Variants in MYH13 observed in about 807,000 individuals in gnomAD.
MYH13 encodes the protein myosin heavy chain 13, also known as myosin-13.
A neutral mutation model predicts 232.1 loss-of-function variants in MYH13; 177 were observed. The ratio of observed to expected loss-of-function variants is 0.76; its 90% CI spans 0.67 to 0.86. The LOEUF (loss-of-function observed/expected upper bound fraction) is 0.86, where lower values mean the gene tolerates loss of function less well. Ranked by LOEUF, MYH13 falls within the 40% of genes least tolerant of loss-of-function variation. The probability of loss-of-function intolerance (pLI) is 0.00; values close to 1 mark genes in which losing one functional copy is unlikely to be tolerated. For missense variants in MYH13, 2,246 were observed against 2,405.9 expected (o/e 0.93, Z 1.39); for synonymous variants, 884 against 923.5 (o/e 0.96, Z 0.78).
Position 10,343,847 on chromosome 17 carries a change from A to G in MYH13, c.1847T>C (p.Leu616Pro). 21 of 1,610,832 alleles carry G rather than the reference A, an allele frequency of 1.3e-5. No homozygotes were observed. The highest frequency in any genetic ancestry group is 1.7e-5 in the Non-Finnish European group (20 of 1,177,962). Residue 616 changes from leucine (L) to proline (P), a missense_variant, in exon 16 of 41, where the codon CTG becomes CCG. Transcript: ENST00000252172. ...GGAAAAAAGGAAGGAGAGAAGCTTC[A>G]GCGAAGACTTCTGGTACAGCCCCAC... Reference protein sequence around the residue: ...TVVGLYQKSSLKLLSFLFSNY... With the variant: ...TVVGLYQKSSPKLLSFLFSNY...
rs1213706575 is a variant in MYH13 at position 10,315,964 on chromosome 17, T to C, written c.3800A>G (p.Asp1267Gly). 45 of 1,613,884 alleles carry C rather than the reference T, an allele frequency of 2.8e-5. No individual in the cohort carries two copies. Among genetic ancestry groups the C allele is most frequent in the Non-Finnish European group, 3.7e-5 (44 of 1,179,884 alleles). Residue 1267 changes from aspartate to glycine, a missense_variant, in exon 28 of 41, where the codon GAC (aspartate) becomes GGC (glycine). Coordinates refer to ENST00000252172, the MANE Select transcript of MYH13 (RefSeq NM_003802.3). ...ATGGATCAACTGTGTCTGTTGCTCG[T>C]CCTTGGCTTTGATTTCACTAAATTG... ...EDQFSEIKAK[D>G]EQQTQLIHDL...
chr17:10,334,715 C>T (rs1480260367), intron 18 of MYH13, among the ~76,000 whole-genome samples: 1 of 152,012 alleles, frequency 6.6e-6, no homozygotes, highest in Non-Finnish European at 1.5e-5. Flanking sequence ...TCCATCTCTA[C>T]TAAAAATACA....
chr17:10,305,430 G>C (rs1311236276), intron 37 of MYH13, among the ~76,000 whole-genome samples: 2 of 152,158 alleles, frequency 1.3e-5, no homozygotes, highest in African/African-American at 4.8e-5. Context: ...AAAAGTCTAT[G>C]GCCTTGTTGT....
chr17:10,337,655 G>A (rs2071586001), intron 18 of MYH13, among the ~76,000 whole-genome samples: 1 of 152,264 alleles, frequency 6.6e-6, no homozygotes, highest in African/African-American at 2.4e-5. Flanking sequence ...ATTCGTGTTG[G>A]GCTATTCCCA....
chr17:10,364,402 A>T lies in MYH13; in HGVS notation c.129T>A (p.Asn43Lys), dbSNP rs757087427. The change falls in exon 3 of 41, where the codon AAT becomes AAA. Residue 43 changes from asparagine (N) to lysine (K), a missense_variant. Coordinates refer to ENST00000252172, the MANE Select transcript of MYH13 (RefSeq NM_003802.3). ...DSKKACFVAD[N>K]KEMYVKGMIQ... is the part of the protein sequence containing the mutation. ...TCATGCCTTTCACATACATTTCCTT[A>T]TTATCCGCTACAAAGCAGGCTTTCT... is the stretch of plus-strand genomic sequence containing the variant. 2.5e-5 allele frequency: 40 copies of T among 1,613,708 alleles called. No homozygotes were observed. The South Asian group carries it at 4.4e-4, about 18-fold the overall frequency.
chr17:10,311,328 T>C, intron 32 of MYH13, 101 bp from the exon 33 acceptor site: 1 of 1,439,652 alleles, frequency 6.9e-7, no homozygotes, highest in South Asian at 1.3e-5. Context: ...TTCATGACAT[T>C]TATACAGGAG....
rs571754464 is a variant in MYH13 at position 10,301,586 on chromosome 17, G to A, written c.5785C>T (p.Arg1929Ter). 4.2e-5 allele frequency: 68 copies of A among 1,614,126 alleles called. 1 individual carries two copies. In the East Asian group the frequency reaches 1.3e-3, roughly 31 times the overall value. Residue 1929 changes from arginine (R) to a stop codon, truncating the protein, a stop_gained, in exon 40 of 41, where the codon CGA becomes TGA. Transcript: ENST00000252172. LOFTEE classifies it high-confidence loss of function. ...GCTCTTACCTGGCTGCCCACGTCTCGGCTCTTGGCCCTCAGCTTGTTGACC... is the reference window on the plus strand; with the variant it reads ...GCTCTTACCTGGCTGCCCACGTCTCAGCTCTTGGCCCTCAGCTTGTTGACC... ...SQVNKLRAKSRDVGSQKMEE is the reference protein window; with the variant it reads ...SQVNKLRAKS
chr17:10,367,753 G>A (rs1261426019), intron 2 of MYH13, among the ~76,000 whole-genome samples: 1 of 152,186 alleles, frequency 6.6e-6, no homozygotes, highest in African/African-American at 2.4e-5. Flanking sequence ...TCTCCTTAAT[G>A]GAAGACTGTT....
chr17:10,311,926 T>C lies in MYH13; in HGVS notation c.4516A>G (p.Asn1506Asp). ...GACAGCTCACCTTGCAGATTTTTGTTCTCTCGCCTCAGTGTCTCTAACTGG... is the reference window on the plus strand; with the variant it reads ...GACAGCTCACCTTGCAGATTTTTGTCCTCTCGCCTCAGTGTCTCTAACTGG... ...VDQLETLRRE[N>D]KNLQEEISDL... The change falls in exon 32 of 41, where the codon AAC becomes GAC. Residue 1506 changes from asparagine to aspartate, a missense_variant. Physicochemically the swap from Asn to Asp is conservative, Grantham distance 23 (BLOSUM62 1). Coordinates refer to ENST00000252172, the MANE Select transcript of MYH13 (RefSeq NM_003802.3). 5.6e-6 allele frequency: 9 copies of C among 1,613,888 alleles called. No homozygotes were observed. Among genetic ancestry groups the C allele is most frequent in the Non-Finnish European group, 7.6e-6 (9 of 1,179,858 alleles).
Position 10,354,943 on chromosome 17 carries a change from A to C in MYH13, c.853T>G (p.Tyr285Asp). 1 of 1,608,164 alleles carries C rather than the reference A, an allele frequency of 6.2e-7. No individual in the cohort carries two copies. The highest frequency in any genetic ancestry group is 8.5e-7 in the Non-Finnish European group (1 of 1,174,588). ...GACATAATTTGGTAGAAAATATGAT[A>C]GCTTCTCTCACTGGATAATTGAAAC... Reference protein sequence around the residue: ...VTFQLSSERSYHIFYQIMSNK... With the variant: ...VTFQLSSERSDHIFYQIMSNK... Residue 285 changes from tyrosine (Y) to aspartate (D), a missense_variant, in exon 10 of 41, where the codon TAT (tyrosine) becomes GAT (aspartate). Transcript: ENST00000252172.
chr17:10,328,387 A>T (rs1907291157), intron 21 of MYH13, among the ~76,000 whole-genome samples: 1 of 152,098 alleles, frequency 6.6e-6, no homozygotes, highest in African/African-American at 2.4e-5. Flanking sequence ...CCACCACCCT[A>T]CTGAGAGTGC....
Position 10,364,441 on chromosome 17 carries a change from A to C in MYH13, c.90T>G (p.Arg30=). 1 of 1,613,282 alleles carries C rather than the reference A, an allele frequency of 6.2e-7. No individual in the cohort carries two copies. Among genetic ancestry groups the C allele is most frequent in the Non-Finnish European group, 8.5e-7 (1 of 1,179,630 alleles). Residue 30 remains arginine, a synonymous_variant, in exon 3 of 41, where the codon CGT becomes CGG. Coordinates refer to ENST00000252172, the MANE Select transcript of MYH13 (RefSeq NM_003802.3). ...AGCAGGCTTTCTTGGAATCGAATGG[A>C]CGATTTTGAGCCTCGATTCTCTCCT... ...PEKERIEAQN[R]PFDSKKACFV... is the part of the protein sequence containing the mutation.
intron 3 of MYH13, among the ~76,000 whole-genome samples, chr17:10,363,517 G>A (rs1196921008): frequency 6.6e-6 from 1 of 152,128 alleles, no homozygotes. Flanking sequence ...ACTAGAAAAA[G>A]AGAAACAGAC....
chr17:10,308,995 C>T (rs1396092964), intron 35 of MYH13, among the ~76,000 whole-genome samples: 3 of 152,242 alleles, frequency 2.0e-5, no homozygotes, highest in East Asian at 1.9e-4. Context: ...TTCCCCACAA[C>T]GTGCAAGATG....
Position 10,303,386 on chromosome 17 carries a change from AC to A in MYH13, c.5571+7del, listed in dbSNP as rs1388907112. 8 of 1,613,464 alleles carry A rather than the reference AC, an allele frequency of 5.0e-6. No individual in the cohort carries two copies. The highest frequency in any genetic ancestry group is 6.8e-6 in the Non-Finnish European group (8 of 1,179,708). On this transcript the variant is annotated splice_region_variant and intron_variant, in intron 38 of 40. Transcript: ENST00000252172. ...AGCATTCACTGAGGAGGTTTTTGGGACCCCTACCTGGTAAGTCATCTCCTTG... is the reference window on the plus strand; with the variant it reads ...AGCATTCACTGAGGAGGTTTTTGGGACCCTACCTGGTAAGTCATCTCCTTG...
chr17:10,330,483 A>G lies in MYH13; in HGVS notation c.2339T>C (p.Met780Thr), dbSNP rs761283999. 33 of 1,611,762 alleles carry G rather than the reference A, an allele frequency of 2.0e-5. No homozygotes were observed. Among genetic ancestry groups the G allele is most frequent in the Non-Finnish European group, 2.7e-5 (32 of 1,179,454 alleles). Reference protein sequence around the residue: ...KAGLLGLLEEMRDEKLVTLMT... With the variant: ...KAGLLGLLEETRDEKLVTLMT... Reference sequence around the variant, plus strand: ...CAGCGTCACCAGCTTCTCATCTCTCATCTCCTCCAAAAGTCCCAGGAGCCC... The same window carrying G: ...CAGCGTCACCAGCTTCTCATCTCTCGTCTCCTCCAAAAGTCCCAGGAGCCC... The change falls in exon 21 of 41, where the codon ATG becomes ACG. Residue 780 changes from methionine to threonine, a missense_variant. By Grantham distance (81) the Met-to-Thr change is moderately conservative (BLOSUM62 -1). Transcript: ENST00000252172.
At chr17:10,323,389 T>A (rs1427569589) in intron 23 of MYH13, among the ~76,000 whole-genome samples, 1 of 152,104 alleles carries the variant, frequency 6.6e-6, no homozygotes, top group East Asian at 1.9e-4. Flanking sequence ...TGCTTGGTGC[T>A]ATGGGAACTG....
chr17:10,361,673 A>G (rs2071794961), intron 5 of MYH13, among the ~76,000 whole-genome samples: 2 of 152,208 alleles, frequency 1.3e-5, no homozygotes, highest in African/African-American at 2.4e-5. Flanking sequence ...GCATCATGGC[A>G]TGACAGTGTT....
At chr17:10,302,918 GC>G (rs1327681049) in intron 39 of MYH13, among the ~76,000 whole-genome samples, 1 of 151,788 alleles carries the variant, frequency 6.6e-6, no homozygotes, top group Non-Finnish European at 1.5e-5. Context: ...AGGCTAACAT[GC>G]TCTAGGGGGT....
Sources: gnomAD v4.1 joint callset for allele counts (sites outside exome capture counted in the v4.1 genomes callset) on GRCh38, gnomAD v4.1.1 for gene constraint, MANE v1.5 for transcripts, NCBI Gene and HGNC (gene_info 2026-07-23, HGNC 2026-07-21) for gene names.